RNF4: variants seen among roughly 807,000 people sequenced by gnomAD.
RNF4 encodes the protein E3 ubiquitin-protein ligase RNF4.
Under a neutral mutation model 24.3 loss-of-function variants are expected in RNF4, and 7 were observed. That is an observed-to-expected ratio of 0.29 (90% CI 0.16 to 0.54). The LOEUF (loss-of-function observed/expected upper bound fraction) is 0.54, where lower values mean the gene tolerates loss of function less well. Among genes scored for constraint, RNF4 ranks in the 20% least tolerant of loss-of-function variants. RNF4 has a pLI of 0.95. For missense variants in RNF4, 209 were observed against 248.5 expected (o/e 0.84, Z 1.07); for synonymous variants, 83 against 84.3 (o/e 0.98, Z 0.09).
At chr4:2,470,294 T>C (rs1016647903) in intron 1 of RNF4, among the ~76,000 whole-genome samples, 7 of 152,200 alleles carry the variant, frequency 4.6e-5, no homozygotes, top group Non-Finnish European at 1.5e-5. Flanking sequence ...GGGTTTTGAA[T>C]TCATTGACCA....
intron 1 of RNF4, among the ~76,000 whole-genome samples, chr4:2,474,154 T>G (rs1438412186): frequency 6.6e-6 from 1 of 151,802 alleles, no homozygotes; most frequent in Non-Finnish European, 1.5e-5. Flanking sequence ...GGCAGGCGGA[T>G]CACGAGGTCA....
chr4:2,506,961 T>C (rs1736120283), intron 4 of RNF4, among the ~76,000 whole-genome samples: 1 of 152,216 alleles, frequency 6.6e-6, no homozygotes, highest in Admixed American at 6.5e-5. Flanking sequence ...CAACTCTCTT[T>C]AAGGAATCGA....
In RNF4 at chr4:2,512,022, G is replaced by C; in HGVS notation, c.214+57G>C. ...TTGGAGAGGAAACTGGCATAGGTGAGAGCCGCGGTGCTGCAGGTCTTGCCA... is the reference window on the plus strand; with the variant it reads ...TTGGAGAGGAAACTGGCATAGGTGACAGCCGCGGTGCTGCAGGTCTTGCCA... On this transcript the variant is annotated intron_variant, in intron 5 of 7. Transcript: ENST00000314289. The surrounding 1 kb of genome is among the most constrained non-coding windows in gnomAD (Gnocchi z 4.1). 6.5e-7 allele frequency: 1 copy of C among 1,543,876 alleles called. No homozygotes were observed. The highest frequency in any genetic ancestry group is 8.9e-7 in the Non-Finnish European group (1 of 1,128,040).
At chr4:2,476,938 C>T (rs746904915) in intron 1 of RNF4, among the ~76,000 whole-genome samples, 19 of 151,622 alleles carry the variant, frequency 1.3e-4, no homozygotes, top group Non-Finnish European at 2.4e-4. Context: ...GGCAGCACCA[C>T]GTCTAGCTCA....
At chr4:2,501,206 C>T (rs545124205) in intron 4 of RNF4, among the ~76,000 whole-genome samples, 1 of 152,370 alleles carries the variant, frequency 6.6e-6, no homozygotes, top group African/African-American at 2.4e-5. Flanking sequence ...AGACATCTTA[C>T]AACAGATGCC....
At chr4:2,488,547 G>C (rs1281477540) in intron 1 of RNF4, among the ~76,000 whole-genome samples, 1 of 152,164 alleles carries the variant, frequency 6.6e-6, no homozygotes, top group Non-Finnish European at 1.5e-5. Context: ...CTGGTCACTG[G>C]GAAGGTTTAT....
In RNF4 at chr4:2,495,582, C is replaced by T. The variant is rs1016665011; in HGVS notation, c.10-1425C>T. The stretch of plus-strand genomic sequence containing the variant: ...AGGACAGGGCACAGGGAGAAGAGCA[C>T]GGAAACACCAGTGGGAATACAAGGT... On this transcript the variant is annotated intron_variant, in intron 2 of 7. Transcript: ENST00000314289. Among the ~76,000 whole-genome samples the T allele has an allele frequency of 4.9e-5, 7 of 143,592 alleles. No homozygotes were observed. In the East Asian group the frequency reaches 6.1e-4, roughly 13 times the overall value. 94.2% of individuals were successfully genotyped at this position (143,592 alleles called of 152,430 possible).
At chr4:2,470,411 T>C (rs1560396537) in intron 1 of RNF4, among the ~76,000 whole-genome samples, 1 of 152,240 alleles carries the variant, frequency 6.6e-6, no homozygotes, top group African/African-American at 2.4e-5. Flanking sequence ...TTCAGTTTTA[T>C]CTGTGAGTTT....
At chr4:2,485,590 G>T (rs545995740) in intron 1 of RNF4, among the ~76,000 whole-genome samples, 1 of 152,236 alleles carries the variant, frequency 6.6e-6, no homozygotes, top group South Asian at 2.1e-4. Flanking sequence ...ATACCTTGGC[G>T]TGAGTTGTTT....
Position 2,512,735 on chromosome 4 carries a change from GGAACTGGGTCCA to G in RNF4, c.374+145_374+156del. On this transcript the variant is annotated intron_variant, in intron 6 of 7. Transcript: ENST00000314289. This position sits in a 1 kb window ranked among gnomAD's most constrained non-coding sequence, Gnocchi z 4.1. The stretch of plus-strand genomic sequence containing the variant: ...CTCTACCCAGCATCTGGATACAGTT[GGAACTGGGTCCA>G]GAACTGAGTCCAGCTATTCCCACTG... 1.0e-6 allele frequency: 1 copy of G among 1,004,132 alleles called. No homozygotes were observed. Among genetic ancestry groups the G allele is most frequent in the Non-Finnish European group, 1.4e-6 (1 of 697,254 alleles). 62.2% of individuals were successfully genotyped at this position (1,004,132 alleles called of 1,614,324 possible).
intron 4 of RNF4, among the ~76,000 whole-genome samples, chr4:2,502,566 G>A (rs1216108246): frequency 6.6e-6 from 1 of 151,876 alleles, no homozygotes; most frequent in East Asian, 1.9e-4. Context: ...CAGCTATTCA[G>A]GAGGCTAAGG....
intron 4 of RNF4, among the ~76,000 whole-genome samples, chr4:2,502,445 G>A (rs2108771541): frequency 6.6e-6 from 1 of 152,186 alleles, no homozygotes; most frequent in Admixed American, 6.5e-5. Flanking sequence ...CAGCACTTTG[G>A]GAGGCCGAGG....
chr4:2,480,781 A>C (rs1735222261), intron 1 of RNF4: 1 of 152,166 alleles, frequency 6.6e-6, no homozygotes, highest in African/African-American at 2.4e-5. Flanking sequence ...AATTCCCTAA[A>C]GCGGGGTGGG....
chr4:2,497,055 A>C lies in RNF4; in HGVS notation c.58A>C (p.Thr20Pro). 1.2e-6 allele frequency: 2 copies of C among 1,609,174 alleles called. No individual in the cohort carries two copies. Among genetic ancestry groups the C allele is most frequent in the Non-Finnish European group, 1.7e-6 (2 of 1,177,940 alleles). The stretch of plus-strand genomic sequence containing the variant: ...AAATTCTAGACAAGCTCAGAAGCGA[A>C]CTCGGGAAGCAACCTCCACCCCCGA... ...AINSRQAQKR[T>P]REATSTPEIS... Residue 20 changes from threonine to proline, a missense_variant, in exon 3 of 8, where the codon ACT becomes CCT. Thr to Pro is a conservative substitution (Grantham distance 38, BLOSUM62 -1). Transcript: ENST00000314289.
intron 3 of RNF4, 30 bp from the exon 4 acceptor site, chr4:2,500,629 T>G: frequency 6.2e-7 from 1 of 1,609,302 alleles, no homozygotes; most frequent in African/African-American, 1.3e-5. Context: ...CTCTTAATCT[T>G]AATGCTTGTT....
chr4:2,478,352 A>G (rs1455984437), intron 1 of RNF4, among the ~76,000 whole-genome samples: 1 of 152,252 alleles, frequency 6.6e-6, no homozygotes, highest in African/African-American at 2.4e-5. Context: ...AGAGATTTGC[A>G]TAAGTAACAG....
Position 2,512,108 on chromosome 4 carries a change from C to A in RNF4, c.214+143C>A. 1.4e-6 allele frequency: 1 copy of A among 730,016 alleles called. No individual in the cohort carries two copies. Among genetic ancestry groups the A allele is most frequent in the Non-Finnish European group, 2.3e-6 (1 of 433,764 alleles). The allele number at this position is 730,016 out of a possible 1,614,324, so 45.2% of individuals were successfully genotyped here. A position where few individuals can be genotyped will look rare whatever the true frequency, so the allele number is the denominator to read the frequency against. ...AAGATGCCTTCGCAGATGCTGTGGT[C>A]AGACCCACACAGCCAGTCCCCCTTG... On this transcript the variant is annotated intron_variant, in intron 5 of 7. Coordinates refer to ENST00000314289, the MANE Select transcript of RNF4 (RefSeq NM_002938.5). This position sits in a 1 kb window ranked among gnomAD's most constrained non-coding sequence, Gnocchi z 4.1.
In RNF4 at chr4:2,469,185, C is replaced by G. The variant is rs969020639; in HGVS notation, c.-231C>G. 6.6e-6 allele frequency: 1 copy of G among 152,338 alleles called. No homozygotes were observed. Among genetic ancestry groups the G allele is most frequent in the African/African-American group, 2.4e-5 (1 of 41,562 alleles). The allele number at this position is 152,338 out of a possible 1,614,324, so 9.4% of individuals were successfully genotyped here. A position where few individuals can be genotyped will look rare whatever the true frequency, so the allele number is the denominator to read the frequency against. The stretch of plus-strand genomic sequence containing the variant: ...GGCGGCTGAAGAAGGAGCTTCTTCT[C>G]CGGAGTGCGCCGGCGGTGGCGCCTG... On this transcript the variant is annotated 5_prime_UTR_variant, in exon 1 of 8. Coordinates refer to ENST00000314289, the MANE Select transcript of RNF4 (RefSeq NM_002938.5).
intron 1 of RNF4, among the ~76,000 whole-genome samples, chr4:2,470,284 G>A (rs983827101): frequency 2.0e-5 from 3 of 152,160 alleles, no homozygotes; most frequent in Non-Finnish European, 2.9e-5. Context: ...TGCAAGATTT[G>A]GGTTTTGAAT....
Sources: gnomAD v4.1 joint callset for allele counts (sites outside exome capture counted in the v4.1 genomes callset) on GRCh38, gnomAD v4.1.1 for gene constraint, Gnocchi (gnomAD v3.1) non-coding constraint, MANE v1.5 for transcripts, NCBI Gene and HGNC (gene_info 2026-07-23, HGNC 2026-07-21) for gene names.